The following TNIK variants were observed in gnomAD, a reference collection of about 807,000 sequenced individuals.
TNIK encodes TRAF2 and NCK-interacting protein kinase.
A neutral mutation model predicts 191.3 loss-of-function variants in TNIK; 49 were observed. That is an observed-to-expected ratio of 0.26 (90% CI 0.20 to 0.32). The LOEUF is 0.32. Ranked by LOEUF, TNIK falls within the 10% of genes least tolerant of loss-of-function variation. The probability of loss-of-function intolerance (pLI) is 1.00; values close to 1 mark genes in which losing one functional copy is unlikely to be tolerated. For missense variants in TNIK, 1,155 were observed against 1,702.3 expected, an observed-to-expected ratio of 0.68 and a Z score of 5.66; for synonymous variants, 594 against 600.9, an observed-to-expected ratio of 0.99 and a Z score of 0.17.
At chr3:171,211,524 A>G (rs1396965916) in intron 3 of TNIK, among the ~76,000 whole-genome samples, 1 of 152,188 alleles carries the variant, frequency 6.6e-6, no homozygotes, top group Non-Finnish European at 1.5e-5. Context: ...AGATCAAGGT[A>G]GAAAGACTAT....
intron 1 of TNIK, among the ~76,000 whole-genome samples, chr3:171,434,557 A>G (rs1288689850): frequency 6.6e-6 from 1 of 152,146 alleles, no homozygotes; most frequent in Non-Finnish European, 1.5e-5. Context: ...TCCTGGGCTC[A>G]AGCAATCTTC....
At chr3:171,143,136 G>T (rs780096654) in intron 12 of TNIK, among the ~76,000 whole-genome samples, 1 of 152,160 alleles carries the variant, frequency 6.6e-6, no homozygotes, top group Non-Finnish European at 1.5e-5. Context: ...ATCAGCAGCC[G>T]CTAACACATG....
At chr3:171,148,518 A>T (rs1481624069) in intron 12 of TNIK, among the ~76,000 whole-genome samples, 1 of 152,150 alleles carries the variant, frequency 6.6e-6, no homozygotes, top group Non-Finnish European at 1.5e-5. Context: ...ATGCAGATGA[A>T]ACCCCCAAAT....
At chr3:171,419,234 G>A (rs1723451081) in intron 1 of TNIK, among the ~76,000 whole-genome samples, 1 of 152,166 alleles carries the variant, frequency 6.6e-6, no homozygotes, top group Non-Finnish European at 1.5e-5. Context: ...ATTATGGTAT[G>A]TGAAAGAAGC....
intron 23 of TNIK, 124 bp from the exon 24 acceptor site, chr3:171,087,630 A>G: frequency 9.7e-7 from 1 of 1,030,224 alleles, no homozygotes; most frequent in Non-Finnish European, 1.4e-6. Context: ...TGAGAAGGTG[A>G]TATTCACATT....
intron 5 of TNIK, 29 bp downstream of exon 5, chr3:171,194,496 A>C: frequency 6.3e-7 from 1 of 1,585,282 alleles, no homozygotes; most frequent in Non-Finnish European, 8.6e-7. Flanking sequence ...AGACTTTGGG[A>C]GGTGGGCCAG....
chr3:171,315,791 C>T (rs1315556585), intron 2 of TNIK, among the ~76,000 whole-genome samples: 1 of 152,122 alleles, frequency 6.6e-6, no homozygotes, highest in Non-Finnish European at 1.5e-5. Flanking sequence ...TCTGTCTTTT[C>T]TCCTCTTCTT....
chr3:171,330,056 TC>T (rs1176365486), intron 2 of TNIK, among the ~76,000 whole-genome samples: 1 of 152,194 alleles, frequency 6.6e-6, no homozygotes, highest in Non-Finnish European at 1.5e-5. Flanking sequence ...ATTAGGCAGT[TC>T]TGACTGTCCT....
chr3:171,436,835 T>C (rs979760780), intron 1 of TNIK, among the ~76,000 whole-genome samples: 1 of 152,190 alleles, frequency 6.6e-6, no homozygotes, highest in South Asian at 2.1e-4. Flanking sequence ...GATTTGAACA[T>C]TGCAGCACAA....
chr3:171,185,884 G>A (rs967256809), intron 7 of TNIK, among the ~76,000 whole-genome samples: 3 of 152,006 alleles, frequency 2.0e-5, no homozygotes, highest in African/African-American at 4.8e-5. Flanking sequence ...ATCTAATAAA[G>A]TCCGGTGGCC....
intron 3 of TNIK, among the ~76,000 whole-genome samples, chr3:171,222,969 T>A (rs1742540037): frequency 6.6e-6 from 1 of 152,156 alleles, no homozygotes; most frequent in African/African-American, 2.4e-5. Flanking sequence ...ATTTCTTTTA[T>A]GTATTGGGTT....
chr3:171,115,049 C>A (rs1310667635), intron 18 of TNIK, among the ~76,000 whole-genome samples: 1 of 152,144 alleles, frequency 6.6e-6, no homozygotes. Flanking sequence ...AAAACTTGCT[C>A]TAAAAAATGT....
intron 8 of TNIK, among the ~76,000 whole-genome samples, 151 bp from the exon 9 acceptor site, chr3:171,175,481 G>A (rs537182223): frequency 1.9e-4 from 29 of 152,316 alleles, no homozygotes; most frequent in African/African-American, 6.5e-4. Flanking sequence ...ATGCTTCTGA[G>A]CATTTGAAAG....
At chr3:171,433,524 A>G (rs1725625009) in intron 1 of TNIK, among the ~76,000 whole-genome samples, 1 of 152,224 alleles carries the variant, frequency 6.6e-6, no homozygotes, top group Non-Finnish European at 1.5e-5. Context: ...TCTACTGTGT[A>G]TAACTGTTAA....
intron 2 of TNIK, among the ~76,000 whole-genome samples, chr3:171,328,966 G>A (rs1360849309): frequency 6.6e-6 from 1 of 152,140 alleles, no homozygotes; most frequent in Non-Finnish European, 1.5e-5. Flanking sequence ...CTTTGTACTT[G>A]TTATTTCTGT....
intron 2 of TNIK, among the ~76,000 whole-genome samples, chr3:171,289,901 CAAAAAAAA>C (rs143704401): frequency 1.3e-5 from 1 of 77,856 alleles, no homozygotes; most frequent in African/African-American, 4.1e-5. Context: ...GACTCCGTCT[CAAAAAAAA>C]AAAAAAAAAA....
At position 171,105,959 on chromosome 3, in the gene TNIK, A is replaced by G. The variant is rs531392270; in HGVS notation, c.2406+1224T>C. 4.7e-4 allele frequency among the ~76,000 whole-genome samples: 71 copies of G among 152,344 alleles called. 1 individual carries two copies. In the South Asian group the frequency reaches 8.5e-3, roughly 18 times the overall value. ...AGCAAGGCCACGGCACAGAGCAATT[A>G]AAAACACACTCTCCTCTTCCCTTTC... is the stretch of plus-strand genomic sequence containing the variant. On this transcript the variant is annotated intron_variant, in intron 21 of 32. Coordinates refer to ENST00000436636, the MANE Select transcript of TNIK (RefSeq NM_015028.4).
In TNIK at chr3:171,084,311, C is replaced by T. The variant is rs745767967; in HGVS notation, c.3013G>A (p.Glu1005Lys). Residue 1005 changes from glutamate to lysine, a missense_variant, in exon 26 of 33, where the codon GAA becomes AAA. Coordinates refer to ENST00000436636, the MANE Select transcript of TNIK (RefSeq NM_015028.4). Reference protein sequence around the residue: ...ESSAAALFTSELLRQEQAKLN... With the variant: ...ESSAAALFTSKLLRQEQAKLN... ...TTGGCCTGTTCTTGCCTAAGAAGTT[C>T]GCTAGTAAACAGAGCTTTGAGAAAA... The T allele has an allele frequency of 9.3e-6, 15 of 1,611,460 alleles. No homozygotes were observed. Among genetic ancestry groups the T allele is most frequent in the East Asian group, 2.2e-5 (1 of 44,860 alleles).
chr3:171,110,823 G>A lies in TNIK; in HGVS notation c.2175C>T (p.Thr725=), dbSNP rs752654643. Residue 725 remains threonine (T), a synonymous_variant, in exon 19 of 33, where the codon ACC becomes ACT. Transcript: ENST00000436636. ...EPILESPLQR[T]SSGSSSSSST... ...TGGAGCTGGAGGAACTGCCACTGCT[G>A]GTCCTCTGCAAGGGGCTCTCCAAGA... 11 of 1,604,846 alleles carry A rather than the reference G, an allele frequency of 6.9e-6. No individual in the cohort carries two copies. The highest frequency in any genetic ancestry group is 6.8e-5 in the Admixed American group (4 of 59,060).
Sources: gnomAD v4.1 joint callset for allele counts (sites outside exome capture counted in the v4.1 genomes callset) on GRCh38, gnomAD v4.1.1 for gene constraint, MANE v1.5 for transcripts, NCBI Gene and HGNC (gene_info 2026-07-23, HGNC 2026-07-21) for gene names.